CACNA1D: variants seen among roughly 807,000 people sequenced by gnomAD.
The protein encoded by CACNA1D is calcium voltage-gated channel subunit alpha1 D.
Under a neutral mutation model 257.1 loss-of-function variants are expected in CACNA1D, and 55 were observed. The ratio of observed to expected loss-of-function variants is 0.21; its 90% CI spans 0.17 to 0.27. The LOEUF (loss-of-function observed/expected upper bound fraction) is 0.27. Among genes scored for constraint, CACNA1D ranks in the 10% least tolerant of loss-of-function variants. CACNA1D has a pLI of 1.00. For missense variants in CACNA1D, 1,876 were observed against 2,784.0 expected, an observed-to-expected ratio of 0.67 and a Z score of 7.34; for synonymous variants, 980 against 1,014.9, an observed-to-expected ratio of 0.97 and a Z score of 0.65.
chr3:53,641,829 G>A (rs1478657064), intron 3 of CACNA1D, among the ~76,000 whole-genome samples: 2 of 152,186 alleles, frequency 1.3e-5, no homozygotes, highest in Non-Finnish European at 1.5e-5. Flanking sequence ...AGGGCTCGGA[G>A]GCCCTGTGTA....
intron 22 of CACNA1D, 22 bp from the exon 23 acceptor site, chr3:53,744,718 C>T (rs1047608351): frequency 1.1e-5 from 15 of 1,376,656 alleles, no homozygotes; most frequent in Middle Eastern, 3.6e-4. Flanking sequence ...CTCTGCCTGC[C>T]GTCTTTCTGC....
intron 8 of CACNA1D, among the ~76,000 whole-genome samples, chr3:53,692,552 C>T (rs1455651163): frequency 2.0e-5 from 3 of 152,104 alleles, no homozygotes; most frequent in African/African-American, 7.2e-5. Flanking sequence ...CCATCCCTAC[C>T]GCACTCTCCT....
chr3:53,561,791 G>A (rs542974892), intron 3 of CACNA1D, among the ~76,000 whole-genome samples: 43 of 152,232 alleles, frequency 2.8e-4, no homozygotes, highest in African/African-American at 6.7e-4. Flanking sequence ...GGTATACCTC[G>A]TTTGGAATTT....
chr3:53,747,284 A>G lies in CACNA1D; in HGVS notation c.3168-18A>G. 1.2e-6 allele frequency: 2 copies of G among 1,612,952 alleles called. No homozygotes were observed. On this transcript the variant is annotated intron_variant, in intron 25 of 47. Coordinates refer to ENST00000350061, the MANE Select transcript of CACNA1D (RefSeq NM_001128840.3). ...TCATGTGTGAAGCCAGACGACCCACACCTGTTTTCCTCTCCAGGGGACTTT... is the reference window on the plus strand; with the variant it reads ...TCATGTGTGAAGCCAGACGACCCACGCCTGTTTTCCTCTCCAGGGGACTTT...
In CACNA1D at chr3:53,663,812, G is replaced by A. The variant is rs561074171; in HGVS notation, c.767-1848G>A. Reference sequence around the variant, plus strand: ...CTCTCTCTCTCTTTTTTTTGGAGACGAAGTCTTGCTCTGTCACCCAGACTG... The same window carrying A: ...CTCTCTCTCTCTTTTTTTTGGAGACAAAGTCTTGCTCTGTCACCCAGACTG... On this transcript the variant is annotated intron_variant, in intron 5 of 47. Transcript: ENST00000350061. Among the ~76,000 whole-genome samples the A allele has an allele frequency of 1.9e-4, 29 of 150,820 alleles. 1 individual carries two copies. The highest frequency in any genetic ancestry group is 1.0e-3 in the South Asian group (5 of 4,778).
intron 3 of CACNA1D, among the ~76,000 whole-genome samples, chr3:53,515,592 C>T (rs1190093025): frequency 6.6e-6 from 1 of 152,132 alleles, no homozygotes; most frequent in East Asian, 1.9e-4. Context: ...CCTCTCCTGC[C>T]CTTTCTGCCA....
intron 4 of CACNA1D, among the ~76,000 whole-genome samples, chr3:53,651,189 C>A (rs1195361295): frequency 1.3e-5 from 2 of 152,030 alleles, no homozygotes; most frequent in Non-Finnish European, 2.9e-5. Flanking sequence ...GAGGCTTTAC[C>A]TAACACGGTC....
Position 53,811,097 on chromosome 3 carries a change from C to A in CACNA1D, c.6193-16C>A. Reference sequence around the variant, plus strand: ...TTATAACACCCCCATGCCATCCATCCCTCTTTTCTGTACAGGTCCTGATAT... The same window carrying A: ...TTATAACACCCCCATGCCATCCATCACTCTTTTCTGTACAGGTCCTGATAT... On this transcript the variant is annotated splice_polypyrimidine_tract_variant and intron_variant, in intron 47 of 47. Transcript: ENST00000350061. The surrounding 1 kb of genome is among the most constrained non-coding windows in gnomAD (Gnocchi z 4.2). The A allele has an allele frequency of 6.2e-7, 1 of 1,610,972 alleles. No individual in the cohort carries two copies. The highest frequency in any genetic ancestry group is 1.1e-5 in the South Asian group (1 of 90,976).
At chr3:53,694,999 G>C (rs983070637) in intron 8 of CACNA1D, among the ~76,000 whole-genome samples, 1 of 152,184 alleles carries the variant, frequency 6.6e-6, no homozygotes, top group Non-Finnish European at 1.5e-5. Flanking sequence ...GCATACCATT[G>C]TTCTGTCGTC....
chr3:53,602,609 C>T (rs13086947), intron 3 of CACNA1D, among the ~76,000 whole-genome samples: 7,216 of 152,294 alleles, frequency 0.047, 249 homozygotes, highest in South Asian at 0.061. Context: ...ATATCCTTAC[C>T]AGCATCTGTT....
Position 53,753,665 on chromosome 3 carries a change from A to G in CACNA1D, c.3769A>G (p.Ile1257Val). The G allele has an allele frequency of 6.2e-7, 1 of 1,609,796 alleles. No individual in the cohort carries two copies. The highest frequency in any genetic ancestry group is 8.5e-7 in the Non-Finnish European group (1 of 1,175,962). The change falls in exon 29 of 48, where the codon ATC (isoleucine) becomes GTC (valine). Residue 1257 changes from isoleucine (I) to valine (V), a missense_variant. Ile to Val is a conservative substitution (Grantham distance 29). Coordinates refer to ENST00000350061, the MANE Select transcript of CACNA1D (RefSeq NM_001128840.3). ...VFTVEMVLKV[I>V]AFKPKGYFSD... ...CACCGTCGAGATGGTTTTGAAAGTC[A>G]TCGCATTTAAGCCTAAGGTGAGTTG...
rs1382663840 is a variant in CACNA1D at position 53,745,818 on chromosome 3, C to T, written c.3115-5C>T. 1 of 1,612,346 alleles carries T rather than the reference C, an allele frequency of 6.2e-7. No individual in the cohort carries two copies. Among genetic ancestry groups the T allele is most frequent in the Middle Eastern group, 1.6e-4 (1 of 6,062 alleles). On this transcript the variant is annotated splice_polypyrimidine_tract_variant and splice_region_variant and intron_variant, in intron 24 of 47. Coordinates refer to ENST00000350061, the MANE Select transcript of CACNA1D (RefSeq NM_001128840.3). Reference sequence around the variant, plus strand: ...TACTTAACTGCCTGTCTATTTTATACCCAGGGGAAGTTCTATCGCTGTACG... The same window carrying T: ...TACTTAACTGCCTGTCTATTTTATATCCAGGGGAAGTTCTATCGCTGTACG...
intron 3 of CACNA1D, among the ~76,000 whole-genome samples, chr3:53,627,381 C>T (rs2093771170): frequency 6.6e-6 from 1 of 152,238 alleles, no homozygotes; most frequent in Non-Finnish European, 1.5e-5. Flanking sequence ...TGTCCTAGCA[C>T]AGGCGAGCGG....
intron 3 of CACNA1D, among the ~76,000 whole-genome samples, chr3:53,535,623 T>C (rs1047597551): frequency 6.6e-6 from 1 of 152,048 alleles, no homozygotes; most frequent in African/African-American, 2.4e-5. Context: ...TCTTTTGAGG[T>C]TGCAAAAAGC....
At chr3:53,704,163 T>C (rs2094658952) in intron 9 of CACNA1D, among the ~76,000 whole-genome samples, 2 of 151,500 alleles carry the variant, frequency 1.3e-5, no homozygotes, top group Admixed American at 1.3e-4. Flanking sequence ...CTTCTGGAGG[T>C]TGTGGAGTGT....
At chr3:53,642,586 G>T (rs2093970783) in intron 3 of CACNA1D, among the ~76,000 whole-genome samples, 1 of 152,252 alleles carries the variant, frequency 6.6e-6, no homozygotes, top group Non-Finnish European at 1.5e-5. Context: ...AGCTGCCTTT[G>T]CTCTGCCGGT....
chr3:53,610,029 A>C (rs1408795149), intron 3 of CACNA1D, among the ~76,000 whole-genome samples: 1 of 152,202 alleles, frequency 6.6e-6, no homozygotes, highest in African/African-American at 2.4e-5. Context: ...AAATTTCTAC[A>C]TATTTGGGTT....
rs368260280 is a variant in CACNA1D, at chr3:53,723,838, A to T, written c.1939A>T (p.Met647Leu). 4.6e-5 allele frequency: 74 copies of T among 1,614,016 alleles called. No individual in the cohort carries two copies. The highest frequency in any genetic ancestry group is 5.9e-5 in the Non-Finnish European group (70 of 1,180,004). Residue 647 changes from methionine to leucine, a missense_variant, in exon 14 of 48, where the codon ATG (methionine) becomes TTG (leucine). Physicochemically the swap from Met to Leu is conservative, Grantham distance 15. Coordinates refer to ENST00000350061, the MANE Select transcript of CACNA1D (RefSeq NM_001128840.3). This position sits in a 1 kb window ranked among gnomAD's most constrained non-coding sequence, Gnocchi z 5.6. ...SNLVASLLNSMKSIASLLLLL... is the reference protein window; with the variant it reads ...SNLVASLLNSLKSIASLLLLL... Reference sequence around the variant, plus strand: ...CTTAGTGGCATCCTTATTAAACTCCATGAAGTCCATCGCTTCGCTGTTGCT... The same window carrying T: ...CTTAGTGGCATCCTTATTAAACTCCTTGAAGTCCATCGCTTCGCTGTTGCT...
At chr3:53,639,288 C>T (rs2093921173) in intron 3 of CACNA1D, among the ~76,000 whole-genome samples, 1 of 152,078 alleles carries the variant, frequency 6.6e-6, no homozygotes, top group African/African-American at 2.4e-5. Flanking sequence ...TGGGAAATCA[C>T]CGAGATAAGA....
Sources: gnomAD v4.1 joint callset for allele counts (sites outside exome capture counted in the v4.1 genomes callset) on GRCh38, gnomAD v4.1.1 for gene constraint, Gnocchi (gnomAD v3.1) non-coding constraint, MANE v1.5 for transcripts, NCBI Gene and HGNC (gene_info 2026-07-23, HGNC 2026-07-21) for gene names.